TENM2: variants seen among roughly 807,000 people sequenced by gnomAD.
TENM2 encodes teneurin transmembrane protein 2.
A neutral mutation model predicts 245.2 loss-of-function variants in TENM2; 52 were observed. That is an observed-to-expected ratio of 0.21 (90% confidence interval 0.17 to 0.27). The LOEUF is 0.27. Among genes scored for constraint, TENM2 ranks in the 10% least tolerant of loss-of-function variants. The pLI, the probability that TENM2 is intolerant of heterozygous loss-of-function variation, is 1.00. For synonymous variants in TENM2, 1,363 were observed against 1,438.9 expected (o/e 0.95, Z 1.19); for missense variants, 3,046 against 3,666.8 (o/e 0.83, Z 4.37).
At chr5:168,028,513 A>C (rs1786824678) in intron 5 of TENM2, among the ~76,000 whole-genome samples, 1 of 152,188 alleles carries the variant, frequency 6.6e-6, no homozygotes, top group Admixed American at 6.5e-5. Flanking sequence ...AGTGGACACC[A>C]AATGAAGAGG....
chr5:167,797,903 A>G (rs924074626), intron 2 of TENM2, among the ~76,000 whole-genome samples: 1 of 152,246 alleles, frequency 6.6e-6, no homozygotes, highest in Non-Finnish European at 1.5e-5. Flanking sequence ...ATCTAACACA[A>G]TGTGTTTATG....
At chr5:167,779,802 T>C (rs1764065122) in intron 2 of TENM2, among the ~76,000 whole-genome samples, 2 of 152,212 alleles carry the variant, frequency 1.3e-5, no homozygotes, top group Admixed American at 1.3e-4. Flanking sequence ...CTCCTATGGA[T>C]ACTGCTGACA....
chr5:167,411,061 C>T (rs983641998), intron 2 of TENM2, among the ~76,000 whole-genome samples: 1 of 152,006 alleles, frequency 6.6e-6, no homozygotes, highest in Non-Finnish European at 1.5e-5. Context: ...CTTAGAAACA[C>T]ATTGTTGTGC....
rs76061607 is a variant in TENM2 at position 168,117,308 on chromosome 5, C to T, written c.1814-984C>T. ...TTCTAATAAGTCAAGCATATTTAAT[C>T]GTTATGCTTTATTACACATGTTACA... is the stretch of plus-strand genomic sequence containing the variant. On this transcript the variant is annotated intron_variant, in intron 9 of 28. Coordinates refer to ENST00000518659, the Ensembl canonical transcript of TENM2. 3.8e-3 allele frequency among the ~76,000 whole-genome samples: 573 copies of T among 152,228 alleles called. 4 individuals are homozygous for T. The highest frequency in any genetic ancestry group is 0.013 in the African/African-American group (545 of 41,530).
the TENM2 span, among the ~76,000 whole-genome samples, chr5:167,097,719 C>G: frequency 6.6e-6 from 1 of 152,164 alleles, no homozygotes; most frequent in African/African-American, 2.4e-5. Flanking sequence ...TTCTTTAATG[C>G]AAGTCCTGTC....
chr5:167,221,576 A>C, the TENM2 span, among the ~76,000 whole-genome samples: 1 of 152,172 alleles, frequency 6.6e-6, no homozygotes, highest in African/African-American at 2.4e-5. Flanking sequence ...TCCAAGGAAA[A>C]ACAAATACCT....
intron 2 of TENM2, among the ~76,000 whole-genome samples, chr5:167,707,955 C>T (rs566105425): frequency 1.2e-4 from 19 of 152,244 alleles, no homozygotes; most frequent in Non-Finnish European, 2.1e-4. Flanking sequence ...TGAAAAGGAA[C>T]GGTGTGGTGC....
rs1411757428 is a variant in TENM2, at chr5:167,929,047, AAGAAAGAAAGAG to A, written c.713-23529_713-23518del. 4.9e-4 allele frequency among the ~76,000 whole-genome samples: 60 copies of A among 123,120 alleles called. 2 individuals carry two copies. Among genetic ancestry groups the A allele is most frequent in the African/African-American group, 1.8e-3 (49 of 27,124 alleles). 80.8% of individuals were successfully genotyped at this position (123,120 alleles called of 152,430 possible). A position where few individuals can be genotyped will look rare whatever the true frequency, so the allele number is the denominator to read the frequency against. On this transcript the variant is annotated intron_variant, in intron 3 of 28. Coordinates refer to ENST00000518659, the Ensembl canonical transcript of TENM2. Reference sequence around the variant, plus strand: ...AAGGAAAGAAAGAAAGAAAAGAAAAAAGAAAGAAAGAGAGAAAGAAAGAAAGAAAGAAAGAAA... The same window carrying A: ...AAGGAAAGAAAGAAAGAAAAGAAAAAAGAAAGAAAGAAAGAAAGAAAGAAA...
At chr5:167,301,732 A>C (rs1049563575) in intron 1 of TENM2, among the ~76,000 whole-genome samples, 2 of 152,162 alleles carry the variant, frequency 1.3e-5, no homozygotes, top group Admixed American at 1.3e-4. Context: ...ATATTTGATG[A>C]AAAAGAGCCT....
intron 1 of TENM2, among the ~76,000 whole-genome samples, chr5:167,327,719 A>G (rs1757172591): frequency 6.6e-6 from 1 of 152,204 alleles, no homozygotes; most frequent in Non-Finnish European, 1.5e-5. Context: ...ATAGAGATCC[A>G]AGGATGGAAA....
chr5:168,112,571 T>G (rs1185609008), intron 9 of TENM2, among the ~76,000 whole-genome samples: 2 of 140,480 alleles, frequency 1.4e-5, no homozygotes, highest in Non-Finnish European at 3.0e-5. Context: ...TGCTGCATAG[T>G]ATGGAATTTA....
chr5:167,509,629 A>G (rs539852626), intron 2 of TENM2, among the ~76,000 whole-genome samples: 19 of 152,332 alleles, frequency 1.2e-4, no homozygotes, highest in African/African-American at 4.6e-4. Flanking sequence ...TAAAGCCACT[A>G]GACTTCTCTA....
At chr5:167,010,193 C>T in the TENM2 span, among the ~76,000 whole-genome samples, 22 of 152,176 alleles carry the variant, frequency 1.4e-4, no homozygotes, top group Non-Finnish European at 2.9e-4. Context: ...ACCAGACTGA[C>T]CAACATGGAG....
At position 167,991,804 on chromosome 5, in the gene TENM2, G is replaced by A. The variant is rs574588384; in HGVS notation, c.948-1140G>A. Among the ~76,000 whole-genome samples the A allele has an allele frequency of 3.9e-5, 6 of 152,330 alleles. No individual in the cohort carries two copies. The East Asian group carries it at 5.8e-4, about 15-fold the overall frequency. On this transcript the variant is annotated intron_variant, in intron 4 of 28. Coordinates refer to ENST00000518659, the Ensembl canonical transcript of TENM2. ...TTCACGGGAGGTGAAAACGGAACAA[G>A]GGTCAGAGACAGTGTAGGGTAAAAT...
intron 2 of TENM2, among the ~76,000 whole-genome samples, chr5:167,555,962 T>C (rs1773237291): frequency 6.6e-6 from 1 of 152,134 alleles, no homozygotes; most frequent in Non-Finnish European, 1.5e-5. Flanking sequence ...GCCGCATTAG[T>C]TCTCAAATCC....
chr5:167,234,855 T>C, the TENM2 span, among the ~76,000 whole-genome samples: 3 of 152,166 alleles, frequency 2.0e-5, no homozygotes. Flanking sequence ...TTTATATCAA[T>C]TTGAGCATAC....
intron 1 of TENM2, among the ~76,000 whole-genome samples, chr5:167,299,411 T>C (rs574428031): frequency 6.6e-6 from 1 of 152,140 alleles, no homozygotes; most frequent in African/African-American, 2.4e-5. Context: ...GTTATCTGAC[T>C]GGGGACATGC....
intron 1 of TENM2, among the ~76,000 whole-genome samples, chr5:167,343,872 G>A (rs1274810612): frequency 6.6e-6 from 1 of 151,846 alleles, no homozygotes. Context: ...GCTTGGGATG[G>A]GCAAATTCAC....
At chr5:168,122,806 A>G (rs1005406255) in intron 10 of TENM2, among the ~76,000 whole-genome samples, 1 of 152,078 alleles carries the variant, frequency 6.6e-6, no homozygotes, top group African/African-American at 2.4e-5. Flanking sequence ...TCCAAATGGG[A>G]TCGTGAGAAA....
Sources: gnomAD v4.1 joint callset for allele counts (sites outside exome capture counted in the v4.1 genomes callset) on GRCh38, gnomAD v4.1.1 for gene constraint, MANE v1.5 for transcripts, NCBI Gene and HGNC (gene_info 2026-07-23, HGNC 2026-07-21) for gene names.